The following TMEM276 variants were observed in gnomAD, a reference collection of about 807,000 sequenced individuals.
TMEM276 encodes transmembrane protein 276.
At chr8:144,463,929 C>T in the TMEM276 span, 5 of 1,448,270 alleles carry the variant, frequency 3.5e-6, no homozygotes, top group East Asian at 4.9e-5. Flanking sequence ...GGGACCCTGT[C>T]CCTTTCATTC....
chr8:144,465,419 C>T, the TMEM276 span: 1 of 1,013,136 alleles, frequency 9.9e-7, no homozygotes, highest in Non-Finnish European at 1.2e-6. Context: ...CCGCCCACCG[C>T]CGTCGGCCCT....
the TMEM276 span, chr8:144,464,298 G>C: frequency 6.2e-7 from 1 of 1,613,264 alleles, no homozygotes; most frequent in Non-Finnish European, 8.5e-7. Flanking sequence ...TCCCATAAGT[G>C]TTGGCCGTGA....
chr8:144,466,486 G>A, the TMEM276 span: 6 of 1,322,812 alleles, frequency 4.5e-6, no homozygotes, highest in Middle Eastern at 2.0e-4. Context: ...TGGTGGCGCC[G>A]CGGCGGCCGC....
At chr8:144,464,085 G>A in the TMEM276 span, 1 of 1,573,640 alleles carries the variant, frequency 6.4e-7, no homozygotes. Context: ...GGGAGGGAAA[G>A]TGTTCGGCAG....
the TMEM276 span, chr8:144,463,942 G>A: frequency 3.4e-6 from 5 of 1,471,436 alleles, no homozygotes; most frequent in African/African-American, 5.6e-5. Context: ...TTTCATTCTG[G>A]TCTAGACAAG....
chr8:144,466,632 GA>G, the TMEM276 span: 1 of 916,558 alleles, frequency 1.1e-6, no homozygotes, highest in Non-Finnish European at 1.5e-6. Context: ...CCGTGCCGAG[GA>G]CCCTCGGCTC....
At chr8:144,464,639 G>A in the TMEM276 span, 4 of 1,586,186 alleles carry the variant, frequency 2.5e-6, no homozygotes, top group African/African-American at 1.3e-5. Flanking sequence ...GGGAGAACAC[G>A]TGGGAAAAAG....
chr8:144,466,464 C>T, the TMEM276 span: 16 of 1,359,052 alleles, frequency 1.2e-5, no homozygotes, highest in East Asian at 1.0e-4. Context: ...TCTACAGCCT[C>T]TTCCGCAGGG....
At chr8:144,464,310 G>A in the TMEM276 span, 1 of 1,613,126 alleles carries the variant, frequency 6.2e-7, no homozygotes, top group Non-Finnish European at 8.5e-7. Flanking sequence ...TGGCCGTGAA[G>A]ACAGCTACAA....
At chr8:144,466,970 C>T in the TMEM276 span, 35 of 1,595,222 alleles carry the variant, frequency 2.2e-5, no homozygotes, top group African/African-American at 4.3e-4. Context: ...CAGCTCCGAG[C>T]CTGAGGATGG....
the TMEM276 span, chr8:144,464,156 G>A: frequency 1.2e-6 from 2 of 1,612,636 alleles, no homozygotes; most frequent in African/African-American, 1.3e-5. Context: ...TGTGTATGCA[G>A]GGCCCGGCAG....
At chr8:144,464,190 G>A in the TMEM276 span, 1 of 1,613,160 alleles carries the variant, frequency 6.2e-7, no homozygotes, top group Non-Finnish European at 8.5e-7. Context: ...CTACAGCCAA[G>A]GCCCAGCGAC....
At chr8:144,464,277 C>T in the TMEM276 span, 19 of 1,612,996 alleles carry the variant, frequency 1.2e-5, no homozygotes, top group Non-Finnish European at 1.5e-5. Context: ...CCAGCATCGC[C>T]CCCCCCCACA....
the TMEM276 span, chr8:144,466,794 A>G: frequency 4.6e-6 from 7 of 1,535,482 alleles, no homozygotes; most frequent in Non-Finnish European, 6.1e-6. Context: ...CGGCGCCCAG[A>G]CCTGCCCGCG....
the TMEM276 span, chr8:144,465,058 G>T: frequency 6.5e-7 from 1 of 1,531,708 alleles, no homozygotes; most frequent in Non-Finnish European, 8.7e-7. Context: ...GAGAAGTTCA[G>T]TCCTAGACTT....
At chr8:144,464,546 C>T in the TMEM276 span, 2 of 1,612,062 alleles carry the variant, frequency 1.2e-6, no homozygotes, top group East Asian at 2.2e-5. Flanking sequence ...GTGCTCAGCC[C>T]TGGGGCCAGC....
the TMEM276 span, chr8:144,464,232 G>C: frequency 1.2e-6 from 2 of 1,612,986 alleles, no homozygotes; most frequent in Admixed American, 3.3e-5. Context: ...GCAGCAGCCT[G>C]TCCTCCTCCA....
chr8:144,465,498 G>A, the TMEM276 span: 2 of 956,776 alleles, frequency 2.1e-6, no homozygotes, highest in Non-Finnish European at 2.5e-6. Flanking sequence ...GAGAGGAGCG[G>A]AGGCTAGAGC....
the TMEM276 span, chr8:144,465,255 C>A: frequency 2.7e-6 from 3 of 1,123,654 alleles, no homozygotes; most frequent in East Asian, 4.9e-5. Context: ...GCGGCGGCCT[C>A]GGCCTGCTCC....
Sources: allele counts gnomAD v4.1 joint callset, GRCh38; gene constraint gnomAD v4.1.1; transcripts MANE v1.5; gene names NCBI Gene and HGNC (gene_info 2026-07-23, HGNC 2026-07-21).